Variants in DENND4C observed in about 807,000 individuals in gnomAD.
DENND4C encodes the protein DENN domain-containing protein 4C.
DENND4C carries 108 observed loss-of-function variants against 203.0 expected under a neutral mutation model. That is an observed-to-expected ratio of 0.53 (90% CI 0.46 to 0.62). The LOEUF is 0.62. Among genes scored for constraint, DENND4C ranks in the 20% least tolerant of loss-of-function variants. The pLI is 0.00. For synonymous variants in DENND4C, 871 were observed against 792.4 expected (o/e 1.10, Z -1.67); for missense variants, 2,481 against 2,301.2 (o/e 1.08, Z -1.60).
chr9:19,255,016 C>T (rs373345967), intron 1 of DENND4C, among the ~76,000 whole-genome samples: 11 of 151,790 alleles, frequency 7.2e-5, no homozygotes, highest in East Asian at 1.9e-4. Context: ...GAGGGGGGGC[C>T]GCCTGTAATT....
intron 30 of DENND4C, among the ~76,000 whole-genome samples, chr9:19,362,625 CTGAGT>C (rs1826749248): frequency 1.3e-5 from 2 of 151,718 alleles, no homozygotes; most frequent in Admixed American, 1.3e-4. Flanking sequence ...CGGGTCTCAA[CTGAGT>C]TGAGTAATTT....
chr9:19,255,758 A>G (rs1038365719), intron 1 of DENND4C, among the ~76,000 whole-genome samples: 9 of 152,232 alleles, frequency 5.9e-5, no homozygotes, highest in African/African-American at 2.2e-4. Flanking sequence ...AAAAAGACAA[A>G]TCCATAATTT....
At chr9:19,364,723 C>A (rs899819858) in intron 30 of DENND4C, among the ~76,000 whole-genome samples, 1 of 152,000 alleles carries the variant, frequency 6.6e-6, no homozygotes, top group Admixed American at 6.5e-5. Context: ...TAAAACCCCG[C>A]CTCTACTAAA....
At chr9:19,319,678 C>T (rs1439734609) in intron 12 of DENND4C, among the ~76,000 whole-genome samples, 3 of 151,870 alleles carry the variant, frequency 2.0e-5, no homozygotes, top group African/African-American at 7.3e-5. Context: ...GATACTTACT[C>T]AGTTTCTAGG....
At chr9:19,362,505 T>G (rs1312300924) in intron 30 of DENND4C, among the ~76,000 whole-genome samples, 2 of 150,836 alleles carry the variant, frequency 1.3e-5, no homozygotes, top group Non-Finnish European at 1.5e-5. Flanking sequence ...GCTTTATTTT[T>G]AAATTTTTAA....
intron 10 of DENND4C, among the ~76,000 whole-genome samples, chr9:19,315,699 C>T (rs1488574344): frequency 1.3e-5 from 2 of 149,598 alleles, no homozygotes; most frequent in African/African-American, 4.9e-5. Context: ...ATCTCTATGG[C>T]TTTGGGGTTT....
At chr9:19,284,610 G>A (rs1834823764) in intron 2 of DENND4C, among the ~76,000 whole-genome samples, 1 of 152,016 alleles carries the variant, frequency 6.6e-6, no homozygotes, top group African/African-American at 2.4e-5. Flanking sequence ...CATCAACAAA[G>A]TATGTGGTCT....
chr9:19,316,865 C>A, intron 12 of DENND4C, 26 bp downstream of exon 12: 1 of 1,557,634 alleles, frequency 6.4e-7, no homozygotes, highest in Non-Finnish European at 8.7e-7. Context: ...AGTACAATTC[C>A]TTTTATTGAG....
At chr9:19,254,977 AC>A (rs1380706764) in intron 1 of DENND4C, among the ~76,000 whole-genome samples, 1 of 152,060 alleles carries the variant, frequency 6.6e-6, no homozygotes, top group African/African-American at 2.4e-5. Flanking sequence ...TACTAAAAAT[AC>A]AAAAATTAGC....
intron 1 of DENND4C, among the ~76,000 whole-genome samples, chr9:19,242,725 G>A (rs982299043): frequency 4.0e-5 from 6 of 151,616 alleles, no homozygotes; most frequent in South Asian, 4.2e-4. Context: ...GCGAGATCTC[G>A]GCTCACTGCA....
chr9:19,282,855 T>C (rs1172248389), intron 2 of DENND4C, among the ~76,000 whole-genome samples: 1 of 151,544 alleles, frequency 6.6e-6, no homozygotes, highest in Non-Finnish European at 1.5e-5. Flanking sequence ...TAGCTGCGAT[T>C]ACAGGCATCT....
At chr9:19,241,926 C>T (rs1354013937) in intron 1 of DENND4C, among the ~76,000 whole-genome samples, 3 of 151,866 alleles carry the variant, frequency 2.0e-5, no homozygotes, top group Non-Finnish European at 4.4e-5. Context: ...TGTGGTGGCT[C>T]ATGCTTGTAA....
At chr9:19,370,852 C>T (rs1028804118) in intron 31 of DENND4C, among the ~76,000 whole-genome samples, 17 of 152,354 alleles carry the variant, frequency 1.1e-4, no homozygotes, top group African/African-American at 3.8e-4. Context: ...CCTAATGTTT[C>T]CATGGTCCCC....
At chr9:19,292,766 G>A (rs530424544) in intron 5 of DENND4C, among the ~76,000 whole-genome samples, 7 of 150,876 alleles carry the variant, frequency 4.6e-5, no homozygotes, top group Non-Finnish European at 1.0e-4. Context: ...GGCTGGTCTC[G>A]AACTCCTGAC....
At chr9:19,267,123 G>A (rs954133939) in intron 1 of DENND4C, among the ~76,000 whole-genome samples, 1 of 152,036 alleles carries the variant, frequency 6.6e-6, no homozygotes, top group African/African-American at 2.4e-5. Context: ...GTATCTGTTT[G>A]GTCCATTTAG....
At chr9:19,243,444 A>G (rs1824283372) in intron 1 of DENND4C, among the ~76,000 whole-genome samples, 1 of 152,210 alleles carries the variant, frequency 6.6e-6, no homozygotes, top group South Asian at 2.1e-4. Context: ...TGCAAGTATT[A>G]CCACAAACTA....
At chr9:19,235,165 A>C (rs1390025525) in intron 1 of DENND4C, among the ~76,000 whole-genome samples, 1 of 151,828 alleles carries the variant, frequency 6.6e-6, no homozygotes, top group African/African-American at 2.4e-5. Flanking sequence ...GGGTTTTGCC[A>C]TGTTGGCCAG....
chr9:19,283,118 G>A (rs1834458319), intron 2 of DENND4C, among the ~76,000 whole-genome samples: 1 of 151,944 alleles, frequency 6.6e-6, no homozygotes, highest in South Asian at 2.1e-4. Flanking sequence ...TTCTGCATTG[G>A]CCCCTTAAAG....
rs556130060 is a variant in DENND4C, at chr9:19,267,333, G to A, written c.-17-8825G>A. Among the ~76,000 whole-genome samples the A allele has an allele frequency of 4.1e-4, 62 of 152,234 alleles. 1 individual carries two copies. The South Asian group carries it at 0.011, about 28-fold the overall frequency. On this transcript the variant is annotated intron_variant, in intron 1 of 32. Transcript: ENST00000434457. ...TTTATAAATGTTACATCCTCTTGCT[G>A]AATTGACACCCTTATTATATAATGA...
Sources: gnomAD v4.1 joint callset for allele counts (sites outside exome capture counted in the v4.1 genomes callset) on GRCh38, gnomAD v4.1.1 for gene constraint, MANE v1.5 for transcripts, NCBI Gene and HGNC (gene_info 2026-07-23, HGNC 2026-07-21) for gene names.